RABEP2: variants seen among roughly 807,000 people sequenced by gnomAD.
RABEP2 encodes the protein rab GTPase-binding effector protein 2.
A neutral mutation model predicts 74.1 loss-of-function variants in RABEP2; 57 were observed. That is an observed-to-expected ratio of 0.77 (90% CI 0.62 to 0.96). The LOEUF (loss-of-function observed/expected upper bound fraction) is 0.96, where lower values mean the gene tolerates loss of function less well. Ranked by LOEUF, RABEP2 falls within the 40% of genes least tolerant of loss-of-function variation. The pLI, the probability that RABEP2 is intolerant of heterozygous loss-of-function variation, is 0.00. For missense variants in RABEP2, 692 were observed against 756.3 expected, an observed-to-expected ratio of 0.91 and a Z score of 1.00; for synonymous variants, 351 against 344.0, an observed-to-expected ratio of 1.02 and a Z score of -0.23.
intron 3 of RABEP2, among the ~76,000 whole-genome samples, chr16:28,917,087 C>T (rs1053419999): frequency 1.3e-5 from 2 of 152,062 alleles, no homozygotes; most frequent in African/African-American, 2.4e-5. Flanking sequence ...TGTTCTCCCA[C>T]ACTCCTATCA....
At chr16:28,919,167 T>TC (rs1011839547) in intron 3 of RABEP2, among the ~76,000 whole-genome samples, 3 of 152,100 alleles carry the variant, frequency 2.0e-5, no homozygotes, top group Non-Finnish European at 4.4e-5. Flanking sequence ...AGAGGCATCC[T>TC]TTTTTTAAGA....
At chr16:28,916,673 CAAAAAAAAAAAAAA>C (rs74392921) in intron 3 of RABEP2, among the ~76,000 whole-genome samples, 1 of 48,676 alleles carries the variant, frequency 2.1e-5, no homozygotes, top group South Asian at 8.0e-4. Context: ...CTCTTGTCTC[CAAAAAAAAAAAAAA>C]AAAAAAAAAA....
intron 12 of RABEP2, 56 bp from the exon 13 acceptor site, chr16:28,905,100 C>T: frequency 1.1e-5 from 16 of 1,450,186 alleles, no homozygotes; most frequent in Non-Finnish European, 1.4e-5. Flanking sequence ...CAGCCCCTAC[C>T]CCACCTGCCA....
chr16:28,923,626 T>C (rs1964496619), intron 2 of RABEP2, among the ~76,000 whole-genome samples: 1 of 152,150 alleles, frequency 6.6e-6, no homozygotes, highest in African/African-American at 2.4e-5. Context: ...GATCCTGAAA[T>C]GTGGGAAATA....
At chr16:28,905,279 C>A in intron 12 of RABEP2, 118 bp downstream of exon 12, 1 of 782,734 alleles carries the variant, frequency 1.3e-6, no homozygotes, top group Non-Finnish European at 2.1e-6. Flanking sequence ...AGGACAGGAC[C>A]ATGCCAGCCC....
intron 5 of RABEP2, 137 bp from the exon 6 acceptor site, chr16:28,911,316 T>G: frequency 7.8e-6 from 6 of 765,210 alleles, no homozygotes; most frequent in East Asian, 2.7e-5. Context: ...ATCCATTCTC[T>G]TCCCTTCACT....
intron 10 of RABEP2, 24 bp downstream of exon 10, chr16:28,905,843 A>G (rs989991958): frequency 6.2e-7 from 1 of 1,613,942 alleles, no homozygotes; most frequent in African/African-American, 1.3e-5. Context: ...GCGATCCCCA[A>G]GATCACCTCC....
In RABEP2 at chr16:28,905,058, C is replaced by G; in HGVS notation, c.1609-14G>C. The G allele has an allele frequency of 1.3e-6, 2 of 1,592,042 alleles. No individual in the cohort carries two copies. The highest frequency in any genetic ancestry group is 1.7e-6 in the Non-Finnish European group (2 of 1,172,342). On this transcript the variant is annotated splice_polypyrimidine_tract_variant and intron_variant, in intron 12 of 12. Coordinates refer to ENST00000358201, the MANE Select transcript of RABEP2 (RefSeq NM_024816.3). The stretch of plus-strand genomic sequence containing the variant: ...CTCTAGGCGCACCTGCCGGATCGGA[C>G]GAGGGGAGCAGAGTGCACTTGTGGG...
chr16:28,912,560 T>C (rs779617940), intron 5 of RABEP2, among the ~76,000 whole-genome samples: 2 of 151,912 alleles, frequency 1.3e-5, no homozygotes, highest in Non-Finnish European at 2.9e-5. Flanking sequence ...CATAGGCATG[T>C]GCCACTGTGC....
intron 5 of RABEP2, among the ~76,000 whole-genome samples, chr16:28,912,402 CTTTCTTTTT>C (rs1205442335): frequency 3.5e-4 from 44 of 125,888 alleles, no homozygotes; most frequent in African/African-American, 9.8e-4. Context: ...AGCTTTCTTT[CTTTCTTTTT>C]TTTTTTTTTT....
At chr16:28,917,340 T>G (rs1163116205) in intron 3 of RABEP2, among the ~76,000 whole-genome samples, 1 of 152,218 alleles carries the variant, frequency 6.6e-6, no homozygotes, top group Non-Finnish European at 1.5e-5. Context: ...CCTGTCCACA[T>G]CACTCCCTAC....
intron 3 of RABEP2, among the ~76,000 whole-genome samples, chr16:28,915,212 A>G (rs2152221515): frequency 2.0e-4 from 1 of 4,934 alleles, no homozygotes; most frequent in Admixed American, 1.9e-3. Flanking sequence ...AGGCATGTGC[A>G]CCAATGAGCT....
chr16:28,920,014 G>A (rs1171529461), intron 2 of RABEP2, 71 bp from the exon 3 acceptor site: 6 of 1,445,844 alleles, frequency 4.1e-6, no homozygotes, highest in Non-Finnish European at 5.5e-6. Context: ...GCGAGCAGGG[G>A]ACTCTTGATG....
Position 28,905,703 on chromosome 16 carries a change from C to G in RABEP2, c.1491+1G>C. On this transcript the variant is annotated splice_donor_variant, in intron 11 of 12. Transcript: ENST00000358201. LOFTEE classifies it high-confidence loss of function. ...CCCAGTCCCCCTGCCCTCCCCCTCACCTTGCTCTGTTCCTGCTGCACCCGC... is the reference window on the plus strand; with the variant it reads ...CCCAGTCCCCCTGCCCTCCCCCTCAGCTTGCTCTGTTCCTGCTGCACCCGC... 6.2e-7 allele frequency: 1 copy of G among 1,613,886 alleles called. No individual in the cohort carries two copies. Among genetic ancestry groups the G allele is most frequent in the Non-Finnish European group, 8.5e-7 (1 of 1,179,892 alleles).
Position 28,904,453 on chromosome 16 carries a change from G to A in RABEP2, c.*490C>T, listed in dbSNP as rs760286654. The A allele has an allele frequency of 3.9e-6, 6 of 1,523,392 alleles. No homozygotes were observed. Among genetic ancestry groups the A allele is most frequent in the South Asian group, 1.2e-5 (1 of 83,100 alleles). The allele number at this position is 1,523,392 out of a possible 1,614,324, so 94.4% of individuals were successfully genotyped here. ...AGCTGCTTATTTATTGAAAATAAAC[G>A]ACGGAAAAGTCTGGCCTTGCCTCTG... On this transcript the variant is annotated 3_prime_UTR_variant, in exon 13 of 13. Transcript: ENST00000358201.
intron 1 of RABEP2, 115 bp downstream of exon 1, chr16:28,924,988 G>C: frequency 1.7e-6 from 2 of 1,195,490 alleles, no homozygotes; most frequent in Admixed American, 4.1e-5. Flanking sequence ...TTTCCCGACG[G>C]CGTGGCCCCG....
At chr16:28,917,959 A>G (rs998164830) in intron 3 of RABEP2, 3 of 152,118 alleles carry the variant, frequency 2.0e-5, no homozygotes, top group Non-Finnish European at 4.4e-5. Flanking sequence ...TATTAATTGA[A>G]GTATCTATCT....
intron 7 of RABEP2, chr16:28,910,382 T>G (rs2152219437): frequency 6.6e-6 from 1 of 152,190 alleles, no homozygotes; most frequent in South Asian, 2.1e-4. Context: ...TCCCCTGGGT[T>G]CAAGCGATTA....
At chr16:28,905,916 C>T (rs1964221341) in intron 9 of RABEP2, 38 bp from the exon 10 acceptor site, 1 of 1,613,370 alleles carries the variant, frequency 6.2e-7, no homozygotes, top group East Asian at 2.2e-5. Flanking sequence ...AGGCCAGCCT[C>T]TCTCCCCTCC....
Sources: allele counts gnomAD v4.1 joint callset (sites outside exome capture counted in the v4.1 genomes callset), GRCh38; gene constraint gnomAD v4.1.1; transcripts MANE v1.5; gene names NCBI Gene and HGNC (gene_info 2026-07-23, HGNC 2026-07-21).